Variants in AUH observed in about 807,000 individuals in gnomAD.
AUH encodes the protein AU RNA binding methylglutaconyl-CoA hydratase.
AUH carries 29 observed loss-of-function variants against 42.3 expected under a neutral mutation model. That is an observed-to-expected ratio of 0.69 (90% confidence interval 0.51 to 0.93). The LOEUF is 0.93. Among genes scored for constraint, AUH ranks in the 40% least tolerant of loss-of-function variants. The pLI is 0.00. For missense variants in AUH, 452 were observed against 438.1 expected, an observed-to-expected ratio of 1.03 and a Z score of -0.28; for synonymous variants, 174 against 166.4, an observed-to-expected ratio of 1.05 and a Z score of -0.35.
intron 6 of AUH, among the ~76,000 whole-genome samples, chr9:91,293,000 C>G (rs1183726889): frequency 1.3e-5 from 2 of 152,088 alleles, no homozygotes; most frequent in African/African-American, 4.8e-5. Flanking sequence ...AACCTGTGAT[C>G]ATTAATCTTT....
intron 6 of AUH, among the ~76,000 whole-genome samples, chr9:91,258,179 T>A (rs1486277378): frequency 2.0e-5 from 3 of 152,210 alleles, no homozygotes; most frequent in Non-Finnish European, 4.4e-5. Context: ...TCTGAACATA[T>A]CATGACATGT....
intron 3 of AUH, among the ~76,000 whole-genome samples, chr9:91,340,807 T>G (rs1462054189): frequency 6.6e-6 from 1 of 151,986 alleles, no homozygotes; most frequent in African/African-American, 2.4e-5. Flanking sequence ...AAAACTGGAG[T>G]GTGAACCAGA....
intron 4 of AUH, among the ~76,000 whole-genome samples, chr9:91,313,740 A>G (rs1282983051): frequency 6.6e-6 from 1 of 150,402 alleles, no homozygotes; most frequent in African/African-American, 2.4e-5. Context: ...AAGAAAATGA[A>G]CAAACTTTAT....
At chr9:91,347,475 G>C (rs556427521) in intron 3 of AUH, among the ~76,000 whole-genome samples, 4 of 152,064 alleles carry the variant, frequency 2.6e-5, no homozygotes, top group Non-Finnish European at 4.4e-5. Flanking sequence ...TTCCCCTCTG[G>C]GGGGAGAGGG....
At chr9:91,314,383 T>C (rs939952141) in intron 4 of AUH, among the ~76,000 whole-genome samples, 3 of 149,934 alleles carry the variant, frequency 2.0e-5, no homozygotes, top group Non-Finnish European at 4.4e-5. Flanking sequence ...CTCGGGAGGC[T>C]GAGGTGGGAG....
chr9:91,241,670 T>C (rs1489146960), intron 6 of AUH, among the ~76,000 whole-genome samples: 1 of 152,226 alleles, frequency 6.6e-6, no homozygotes, highest in Non-Finnish European at 1.5e-5. Flanking sequence ...ATATAATGTT[T>C]CATGTTTACC....
At chr9:91,311,694 T>G (rs527764463) in intron 4 of AUH, among the ~76,000 whole-genome samples, 1 of 152,316 alleles carries the variant, frequency 6.6e-6, no homozygotes, top group East Asian at 1.9e-4. Flanking sequence ...ACTCCCCATA[T>G]TCTATACTGC....
intron 6 of AUH, among the ~76,000 whole-genome samples, chr9:91,230,908 C>T (rs900798492): frequency 6.6e-5 from 10 of 152,318 alleles, no homozygotes; most frequent in African/African-American, 1.9e-4. Context: ...GCAGTCTGCC[C>T]GTTCTCCGAT....
intron 6 of AUH, among the ~76,000 whole-genome samples, chr9:91,261,346 T>C (rs1178371699): frequency 1.3e-5 from 2 of 152,218 alleles, no homozygotes; most frequent in African/African-American, 4.8e-5. Flanking sequence ...ATTTTAAGGA[T>C]AGTATGGCCC....
At chr9:91,299,153 A>G (rs1827585779) in intron 4 of AUH, among the ~76,000 whole-genome samples, 1 of 152,202 alleles carries the variant, frequency 6.6e-6, no homozygotes, top group South Asian at 2.1e-4. Flanking sequence ...CAGGAGGCAG[A>G]GATTGCAGTG....
chr9:91,341,486 G>A (rs1831097046), intron 3 of AUH, among the ~76,000 whole-genome samples: 1 of 152,156 alleles, frequency 6.6e-6, no homozygotes, highest in African/African-American at 2.4e-5. Context: ...AAATTTACTG[G>A]TACCCTAGAT....
chr9:91,251,949 T>A (rs1174036669), intron 6 of AUH, among the ~76,000 whole-genome samples: 1 of 152,194 alleles, frequency 6.6e-6, no homozygotes, highest in Non-Finnish European at 1.5e-5. Context: ...TTATTTTTTT[T>A]AATCTCTTTT....
rs138577923 is a variant in AUH at position 91,297,750 on chromosome 9, C to T, written c.598+234G>A. ...TGGGATTAGAGGTGCAAGCCACGCG[C>T]CTGGTCCAGGACCTAAGATTCAAAC... On this transcript the variant is annotated intron_variant, in intron 5 of 9. Transcript: ENST00000375731. Among the ~76,000 whole-genome samples, 21 of 152,148 alleles carry T rather than the reference C, an allele frequency of 1.4e-4. No homozygotes were observed. In the East Asian group the frequency reaches 4.1e-3, roughly 29 times the overall value.
intron 1 of AUH, chr9:91,357,404 C>A: frequency 1.3e-6 from 1 of 747,728 alleles, no homozygotes; most frequent in Non-Finnish European, 1.6e-6. Flanking sequence ...TTACACTGTT[C>A]AAGCTTCAGT....
intron 3 of AUH, among the ~76,000 whole-genome samples, chr9:91,345,306 T>C (rs190217245): frequency 2.1e-3 from 314 of 152,128 alleles, no homozygotes; most frequent in African/African-American, 6.9e-3. Context: ...CCAGAGTATC[T>C]ACAAAAAAGA....
intron 4 of AUH, among the ~76,000 whole-genome samples, chr9:91,312,806 T>G (rs915129104): frequency 2.0e-5 from 3 of 152,172 alleles, no homozygotes; most frequent in African/African-American, 7.2e-5. Context: ...AGTACACCAC[T>G]GCCAAGGCAT....
At chr9:91,344,984 T>C (rs746537833) in intron 3 of AUH, among the ~76,000 whole-genome samples, 3 of 151,246 alleles carry the variant, frequency 2.0e-5, no homozygotes, top group Non-Finnish European at 2.9e-5. Context: ...AAAAAGAGAT[T>C]TGACAAAATT....
chr9:91,293,519 C>T (rs1827080700), intron 6 of AUH, among the ~76,000 whole-genome samples: 2 of 152,230 alleles, frequency 1.3e-5, no homozygotes, highest in Non-Finnish European at 2.9e-5. Context: ...TAATCCAGAG[C>T]AAAGCCCTAA....
At chr9:91,296,891 A>T (rs1827378822) in intron 5 of AUH, among the ~76,000 whole-genome samples, 1 of 152,256 alleles carries the variant, frequency 6.6e-6, no homozygotes, top group Non-Finnish European at 1.5e-5. Flanking sequence ...AGGTCTCCTT[A>T]TGCTGCCCAG....
Sources: gnomAD v4.1 joint callset for allele counts (sites outside exome capture counted in the v4.1 genomes callset) on GRCh38, gnomAD v4.1.1 for gene constraint, MANE v1.5 for transcripts, NCBI Gene and HGNC (gene_info 2026-07-23, HGNC 2026-07-21) for gene names.